Variants in OC90 observed in about 807,000 individuals in gnomAD.
The protein encoded by OC90 is otoconin-90.
A neutral mutation model predicts 47.3 loss-of-function variants in OC90; 46 were observed. That is an observed-to-expected ratio of 0.97 (90% CI 0.77 to 1.24). OC90 has a LOEUF of 1.24. Among genes scored for constraint, OC90 ranks in the 50% most tolerant of loss-of-function variants. The pLI is 0.00. For synonymous variants in OC90, 271 were observed against 219.5 expected, an observed-to-expected ratio of 1.23 and a Z score of -2.07; for missense variants, 688 against 583.9, an observed-to-expected ratio of 1.18 and a Z score of -1.84.
chr8:132,055,396 A>T (rs1282008348), intron 1 of OC90, among the ~76,000 whole-genome samples: 1 of 152,176 alleles, frequency 6.6e-6, no homozygotes, highest in Non-Finnish European at 1.5e-5. Flanking sequence ...GCATCAAAGG[A>T]TTGAGGATCC....
rs1352973544 is a variant in OC90, at chr8:132,037,076, A to T, written c.679+362T>A. 3.3e-5 allele frequency among the ~76,000 whole-genome samples: 5 copies of T among 152,344 alleles called. No homozygotes were observed. The East Asian group carries it at 9.6e-4, about 29-fold the overall frequency. On this transcript the variant is annotated intron_variant, in intron 9 of 13. Transcript: ENST00000254627. The stretch of plus-strand genomic sequence containing the variant: ...TGTTTCATAAATAAAGTTTTATTGG[A>T]ACACAGTCACTTGCATTAATTTAGG...
chr8:132,036,353 A>T, intron 9 of OC90: 1 of 780,798 alleles, frequency 1.3e-6, no homozygotes, highest in South Asian at 1.3e-5. Context: ...GTCCTTTTCC[A>T]AATTCCCCTC....
intron 4 of OC90, among the ~76,000 whole-genome samples, chr8:132,042,187 G>C (rs967663209): frequency 9.2e-5 from 14 of 152,152 alleles, no homozygotes; most frequent in African/African-American, 3.4e-4. Context: ...GCTAGCTGGA[G>C]CTGCAGCAAC....
chr8:132,031,020 A>G (rs960595351), intron 12 of OC90, among the ~76,000 whole-genome samples: 10 of 152,108 alleles, frequency 6.6e-5, no homozygotes, highest in African/African-American at 2.2e-4. Flanking sequence ...TGCCTTTTGA[A>G]TGCAGGTCTC....
In OC90 at chr8:132,029,077, G is replaced by A; in HGVS notation, c.1134C>T (p.Pro378=). ...WSPVVCVDHT[P]KCGGQSLCEK... is the part of the protein sequence containing the mutation. ...TGTGCAACCAACAGCACTTACACTT[G>A]GGCGTATGATCCACACACACCACCG... is the stretch of plus-strand genomic sequence containing the variant. Residue 378 remains proline, a synonymous_variant, in exon 13 of 14, where the codon CCC becomes CCT. Coordinates refer to ENST00000254627, the MANE Select transcript of OC90 (RefSeq NM_001080399.3). 6.2e-7 allele frequency: 1 copy of A among 1,606,844 alleles called. No individual in the cohort carries two copies. Among genetic ancestry groups the A allele is most frequent in the Non-Finnish European group, 8.5e-7 (1 of 1,173,356 alleles).
intron 13 of OC90, among the ~76,000 whole-genome samples, chr8:132,025,594 G>A (rs1226446883): frequency 6.6e-6 from 1 of 152,140 alleles, no homozygotes; most frequent in East Asian, 1.9e-4. Flanking sequence ...AGGGATGAAA[G>A]GAAAAGATTG....
chr8:132,047,609 A>G (rs1162168709), intron 2 of OC90, among the ~76,000 whole-genome samples: 4 of 149,986 alleles, frequency 2.7e-5, no homozygotes, highest in South Asian at 2.1e-4. Context: ...TGAAAAGACT[A>G]TTTTAAATCT....
chr8:132,034,037 T>A (rs1822917122), intron 10 of OC90, among the ~76,000 whole-genome samples: 1 of 152,228 alleles, frequency 6.6e-6, no homozygotes, highest in Non-Finnish European at 1.5e-5. Context: ...CCTGTTGTAA[T>A]CTCAGTCTCC....
intron 2 of OC90, among the ~76,000 whole-genome samples, chr8:132,050,724 G>A (rs188305805): frequency 1.1e-3 from 174 of 152,214 alleles, no homozygotes; most frequent in African/African-American, 3.8e-3. Flanking sequence ...TGCATAGGCC[G>A]GGCGCGGTGC....
chr8:132,058,214 A>T (rs530348142), intron 1 of OC90, among the ~76,000 whole-genome samples: 1 of 152,268 alleles, frequency 6.6e-6, no homozygotes, highest in South Asian at 2.1e-4. Flanking sequence ...GTACGTGCAC[A>T]TTAGGGTACG....
chr8:132,035,175 C>T (rs750455071), intron 9 of OC90, among the ~76,000 whole-genome samples: 1 of 152,200 alleles, frequency 6.6e-6, no homozygotes, highest in Non-Finnish European at 1.5e-5. Context: ...AGCATTGCAG[C>T]ACAGAGACAG....
chr8:132,040,615 G>A (rs1823038293), intron 6 of OC90, among the ~76,000 whole-genome samples: 1 of 152,140 alleles, frequency 6.6e-6, no homozygotes, highest in Admixed American at 6.5e-5. Flanking sequence ...CTTAACATAT[G>A]TCGCTCCCTG....
chr8:132,026,350 T>C (rs904486017), intron 13 of OC90, among the ~76,000 whole-genome samples: 6 of 152,218 alleles, frequency 3.9e-5, no homozygotes, highest in African/African-American at 1.4e-4. Flanking sequence ...TTTTTTCCTA[T>C]CATATACCAC....
intron 10 of OC90, among the ~76,000 whole-genome samples, chr8:132,033,971 G>A (rs1038391318): frequency 2.6e-5 from 4 of 152,300 alleles, no homozygotes; most frequent in South Asian, 2.1e-4. Flanking sequence ...GGTTTGCTTC[G>A]TGCATCTGGT....
chr8:132,046,095 T>C (rs993025667), intron 2 of OC90, among the ~76,000 whole-genome samples: 1 of 152,146 alleles, frequency 6.6e-6, no homozygotes, highest in African/African-American at 2.4e-5. Context: ...TGTCTTATAC[T>C]GGTAAGCCTT....
At chr8:132,030,311 A>T (rs527291424) in intron 12 of OC90, among the ~76,000 whole-genome samples, 1 of 152,340 alleles carries the variant, frequency 6.6e-6, no homozygotes, top group South Asian at 2.1e-4. Context: ...TAAAAAAATT[A>T]TATCAGTTTG....
In OC90 at chr8:132,041,078, T is replaced by G. The variant is rs745785405; in HGVS notation, c.423A>C (p.Thr141=). 6.2e-7 allele frequency: 1 copy of G among 1,612,572 alleles called. No individual in the cohort carries two copies. The highest frequency in any genetic ancestry group is 2.2e-5 in the East Asian group (1 of 44,858). ...DCLQDPAKLS[T]EVNCVSKKII... is the part of the protein sequence containing the mutation. ...TCTTCTTGCTGACACAATTGACCTC[T>G]GTGCTAAGTTTGGCGGGGTCTTGGA... The change falls in exon 6 of 14, where the codon ACA becomes ACC. Residue 141 remains threonine (T), a synonymous_variant. Coordinates refer to ENST00000254627, the MANE Select transcript of OC90 (RefSeq NM_001080399.3).
chr8:132,049,773 G>C, intron 2 of OC90: 1 of 499,880 alleles, frequency 2.0e-6, no homozygotes, highest in Non-Finnish European at 4.1e-6. Context: ...TTCTCAGCTT[G>C]AGCTCAAGCC....
chr8:132,053,038 C>T (rs1024518315), intron 2 of OC90, among the ~76,000 whole-genome samples: 1 of 152,144 alleles, frequency 6.6e-6, no homozygotes. Flanking sequence ...CTACTTCTTG[C>T]CATCCTGCCT....
Sources: allele counts gnomAD v4.1 joint callset (sites outside exome capture counted in the v4.1 genomes callset), GRCh38; gene constraint gnomAD v4.1.1; transcripts MANE v1.5; gene names NCBI Gene and HGNC (gene_info 2026-07-23, HGNC 2026-07-21).